KIF24: variants seen among roughly 807,000 people sequenced by gnomAD.
KIF24 encodes kinesin-like protein KIF24.
KIF24 carries 81 observed loss-of-function variants against 118.9 expected under a neutral mutation model. The observed-to-expected ratio is 0.68, with a 90% confidence interval of 0.57 to 0.82. KIF24 has a LOEUF of 0.82. Ranked by LOEUF, KIF24 falls within the 40% of genes least tolerant of loss-of-function variation. The pLI is 0.00. For missense variants in KIF24, 1,560 were observed against 1,661.6 expected (o/e 0.94, Z 1.06); for synonymous variants, 599 against 610.0 (o/e 0.98, Z 0.27).
chr9:34,283,106 C>T (rs1212041552), intron 6 of KIF24, among the ~76,000 whole-genome samples: 1 of 147,632 alleles, frequency 6.8e-6, no homozygotes, highest in East Asian at 2.0e-4. Flanking sequence ...GTGGCTCATG[C>T]CTGTAATCCC....
chr9:34,289,571 T>C (rs539573073), intron 5 of KIF24, among the ~76,000 whole-genome samples: 1 of 152,330 alleles, frequency 6.6e-6, no homozygotes, highest in African/African-American at 2.4e-5. Flanking sequence ...TCCTACTCAG[T>C]TTAAGTCATC....
chr9:34,319,770 T>C, intron 1 of KIF24: 3 of 591,070 alleles, frequency 5.1e-6, no homozygotes, highest in Admixed American at 2.2e-5. Context: ...TGGGTGGGGG[T>C]GGACAAACAA....
chr9:34,314,034 G>A (rs1445359113), intron 1 of KIF24, among the ~76,000 whole-genome samples: 1 of 151,738 alleles, frequency 6.6e-6, no homozygotes, highest in Non-Finnish European at 1.5e-5. Flanking sequence ...GGGATTACAG[G>A]TATAAGCCAC....
intron 5 of KIF24, 46 bp downstream of exon 5, chr9:34,290,128 A>C (rs756599789): frequency 1.4e-6 from 2 of 1,385,408 alleles, no homozygotes; most frequent in Non-Finnish European, 2.0e-6. Context: ...ACTCTGGCTT[A>C]AAATAGCGAT....
chr9:34,329,478 G>T (rs1448932145), upstream of KIF24: 3 of 152,262 alleles, frequency 2.0e-5, no homozygotes, highest in Non-Finnish European at 4.4e-5. Flanking sequence ...GCACCTTTGA[G>T]GCGGGTCGAA....
intron 7 of KIF24, among the ~76,000 whole-genome samples, chr9:34,270,324 G>A (rs1253365512): frequency 6.6e-6 from 1 of 151,758 alleles, no homozygotes; most frequent in African/African-American, 2.4e-5. Context: ...AGACCCTCCT[G>A]GCTAAAATGG....
intron 1 of KIF24, chr9:34,319,126 C>T (rs1465064469): frequency 1.4e-5 from 21 of 1,485,138 alleles, no homozygotes; most frequent in Non-Finnish European, 2.0e-5. Flanking sequence ...ACCAGACAGG[C>T]CTCTACAACT....
intron 8 of KIF24, among the ~76,000 whole-genome samples, chr9:34,263,605 C>T (rs1360761083): frequency 6.6e-6 from 1 of 152,144 alleles, no homozygotes; most frequent in African/African-American, 2.4e-5. Flanking sequence ...CATGCACACC[C>T]GTTGGCGTAG....
upstream of KIF24, among the ~76,000 whole-genome samples, chr9:34,331,657 A>G: frequency 6.6e-6 from 1 of 152,252 alleles, no homozygotes; most frequent in South Asian, 2.1e-4. Flanking sequence ...GTCTTGGTAG[A>G]GAAGGGAGGA....
At chr9:34,280,763 C>T (rs898026568) in intron 6 of KIF24, among the ~76,000 whole-genome samples, 4 of 152,128 alleles carry the variant, frequency 2.6e-5, no homozygotes, top group South Asian at 2.1e-4. Flanking sequence ...ATAACGCAAA[C>T]GTGAAGTGTC....
Position 34,256,419 on chromosome 9 carries a change from T to C in KIF24, c.3188A>G (p.Glu1063Gly). The change falls in exon 11 of 13, where the codon GAA (glutamate) becomes GGA (glycine). Residue 1063 changes from glutamate to glycine, a missense_variant. Transcript: ENST00000402558. ...CAGCTGCTCCGAGGGAGGAGACCCTTCGTTGTCTGGGTTCTCCAGGAGGGA... is the reference window on the plus strand; with the variant it reads ...CAGCTGCTCCGAGGGAGGAGACCCTCCGTTGTCTGGGTTCTCCAGGAGGGA... ...TMSLLENPDN[E>G]GSPPSEQLVQ... 2 of 1,613,908 alleles carry C rather than the reference T, an allele frequency of 1.2e-6. No homozygotes were observed. Among genetic ancestry groups the C allele is most frequent in the Non-Finnish European group, 1.7e-6 (2 of 1,179,862 alleles).
chr9:34,312,674 A>C (rs1327156039), intron 1 of KIF24, among the ~76,000 whole-genome samples: 4 of 152,150 alleles, frequency 2.6e-5, no homozygotes, highest in Non-Finnish European at 5.9e-5. Flanking sequence ...AACACATCCT[A>C]AACTAATCCT....
chr9:34,332,758 C>T (rs2131852786), upstream of KIF24, among the ~76,000 whole-genome samples: 1 of 152,196 alleles, frequency 6.6e-6, no homozygotes, highest in Non-Finnish European at 1.5e-5. Context: ...TGGCAGATGT[C>T]CAGGGAAAGG....
chr9:34,258,053 G>C, intron 10 of KIF24, 72 bp from the exon 11 acceptor site: 1 of 1,206,354 alleles, frequency 8.3e-7, no homozygotes, highest in Non-Finnish European at 1.2e-6. Context: ...AGCTTTCTGG[G>C]AAAACAAAAA....
chr9:34,324,767 G>A (rs1281499341), intron 1 of KIF24, among the ~76,000 whole-genome samples: 1 of 152,086 alleles, frequency 6.6e-6, no homozygotes, highest in African/African-American at 2.4e-5. Flanking sequence ...CAACTTCTTA[G>A]ACCGTTTTAT....
At chr9:34,331,223 A>G (rs538253203), upstream of KIF24, among the ~76,000 whole-genome samples, 134 of 152,352 alleles carry the variant, frequency 8.8e-4, no homozygotes, top group African/African-American at 3.0e-3. Context: ...GAGCAGTTTA[A>G]CAGACAAGAT....
intron 6 of KIF24, among the ~76,000 whole-genome samples, chr9:34,277,817 A>G (rs1835710630): frequency 6.6e-6 from 1 of 152,234 alleles, no homozygotes; most frequent in Non-Finnish European, 1.5e-5. Flanking sequence ...GTGAATATCA[A>G]AGTCATCACA....
chr9:34,294,657 G>T (rs1050741353), intron 4 of KIF24, among the ~76,000 whole-genome samples: 4 of 152,154 alleles, frequency 2.6e-5, no homozygotes, highest in African/African-American at 9.7e-5. Flanking sequence ...TTTCATAGAA[G>T]GGAATATTAC....
chr9:34,268,358 G>C (rs774852356), intron 8 of KIF24, among the ~76,000 whole-genome samples: 18 of 152,108 alleles, frequency 1.2e-4, no homozygotes, highest in Middle Eastern at 3.4e-3. Context: ...TAGAGACAAG[G>C]TTTCACCATG....
Sources: allele counts gnomAD v4.1 joint callset (sites outside exome capture counted in the v4.1 genomes callset), GRCh38; gene constraint gnomAD v4.1.1; transcripts MANE v1.5; gene names NCBI Gene and HGNC (gene_info 2026-07-23, HGNC 2026-07-21).